PSMB4: variants seen among roughly 807,000 people sequenced by gnomAD.
PSMB4 encodes proteasome subunit beta type-4.
Under a neutral mutation model 35.2 loss-of-function variants are expected in PSMB4, and 16 were observed. The ratio of observed to expected loss-of-function variants is 0.45; its 90% CI spans 0.31 to 0.69. The LOEUF (loss-of-function observed/expected upper bound fraction) is 0.69. Ranked by LOEUF, PSMB4 falls within the 30% of genes least tolerant of loss-of-function variation. The pLI is 0.06. For synonymous variants in PSMB4, 144 were observed against 134.1 expected, an observed-to-expected ratio of 1.07 and a Z score of -0.51; for missense variants, 333 against 351.8, an observed-to-expected ratio of 0.95 and a Z score of 0.43.
chr1:151,400,799 A>G lies in PSMB4; in HGVS notation c.530A>G (p.Tyr177Cys), dbSNP rs993355830. The change falls in exon 4 of 7, where the codon TAT becomes TGT. Residue 177 changes from tyrosine (Y) to cysteine (C), a missense_variant. Coordinates refer to ENST00000290541, the MANE Select transcript of PSMB4 (RefSeq NM_002796.3). ...TATGTGGACATGCTTGGTGTAGCCT[A>G]TGAAGCCCCTTCGCTGGCCACTGGT... ...LGYVDMLGVAYEAPSLATGYG... is the reference protein window; with the variant it reads ...LGYVDMLGVACEAPSLATGYG... 1.9e-6 allele frequency: 3 copies of G among 1,614,148 alleles called. No individual in the cohort carries two copies. The highest frequency in any genetic ancestry group is 1.3e-5 in the African/African-American group (1 of 75,058).
intron 6 of PSMB4, 90 bp from the exon 7 acceptor site, chr1:151,401,727 G>C: frequency 6.4e-7 from 1 of 1,551,678 alleles, no homozygotes; most frequent in South Asian, 1.1e-5. Flanking sequence ...AAATTTTCTG[G>C]GTGGAAAGTT....
At position 151,400,531 on chromosome 1, in the gene PSMB4, C is replaced by T; in HGVS notation, c.437C>T (p.Ser146Leu). The T allele has an allele frequency of 6.2e-7, 1 of 1,614,104 alleles. No homozygotes were observed. Among genetic ancestry groups the T allele is most frequent in the Middle Eastern group, 1.7e-4 (1 of 6,010 alleles). The change falls in exon 3 of 7, where the codon TCG becomes TTG. Residue 146 changes from serine to leucine, a missense_variant. Coordinates refer to ENST00000290541, the MANE Select transcript of PSMB4 (RefSeq NM_002796.3). Reference sequence around the variant, plus strand: ...ACCAGGGCCATGTACAGCCGGCGCTCGAAGATGAACCCTTTGTGGAACACC... The same window carrying T: ...ACCAGGGCCATGTACAGCCGGCGCTTGAAGATGAACCCTTTGTGGAACACC... ...WLTRAMYSRR[S>L]KMNPLWNTMV...
chr1:151,400,584 G>A lies in PSMB4; in HGVS notation c.490G>A (p.Glu164Lys). Residue 164 changes from glutamate (E) to lysine (K), a missense_variant, in exon 3 of 7, where the codon GAG becomes AAG. Coordinates refer to ENST00000290541, the MANE Select transcript of PSMB4 (RefSeq NM_002796.3). ...TMVIGGYADG[E>K]SFLGYVDMLG... Reference sequence around the variant, plus strand: ...GGTCATCGGAGGCTATGCTGATGGAGAGAGGTTCATATGAATACAAATAAC... The same window carrying A: ...GGTCATCGGAGGCTATGCTGATGGAAAGAGGTTCATATGAATACAAATAAC... 6.2e-7 allele frequency: 1 copy of A among 1,614,148 alleles called. No individual in the cohort carries two copies. The highest frequency in any genetic ancestry group is 8.5e-7 in the Non-Finnish European group (1 of 1,180,034).
intron 2 of PSMB4, 23 bp downstream of exon 2, chr1:151,400,210 G>C: frequency 6.2e-7 from 1 of 1,609,964 alleles, no homozygotes; most frequent in Non-Finnish European, 8.5e-7. Flanking sequence ...GAGAACAGGA[G>C]AGTGGTTCCC....
At chr1:151,401,785 CACA>C (rs758011106) in intron 6 of PSMB4, 29 bp from the exon 7 acceptor site, 1 of 1,601,876 alleles carries the variant, frequency 6.2e-7, no homozygotes, top group South Asian at 1.1e-5. Context: ...CTTTATGCTT[CACA>C]ATTTTATTAT....
In PSMB4 at chr1:151,400,098, CATT is replaced by C. The variant is rs1283433917; in HGVS notation, c.261_263del (p.Ile87del). ...TGGCTCGTTTCCGCAACATCTCTCG[CATT>C]ATGCGAGTCAACAACAGTACCATGC... is the stretch of plus-strand genomic sequence containing the variant. On this transcript the variant is annotated inframe_deletion, in exon 2 of 7. Coordinates refer to ENST00000290541, the MANE Select transcript of PSMB4 (RefSeq NM_002796.3). The C allele has an allele frequency of 3.1e-6, 5 of 1,614,164 alleles. No individual in the cohort carries two copies.
chr1:151,400,225 A>G, intron 2 of PSMB4, 38 bp downstream of exon 2: 1 of 1,594,238 alleles, frequency 6.3e-7, no homozygotes, highest in Non-Finnish European at 8.6e-7. Context: ...GTTCCCAAGT[A>G]GAGAGGGGAG....
chr1:151,399,609 C>T lies in PSMB4; in HGVS notation c.22C>T (p.Arg8Trp), dbSNP rs11557384. The change falls in exon 1 of 7, where the codon CGG becomes TGG. Residue 8 changes from arginine to tryptophan, a missense_variant. Arg to Trp is a moderately radical substitution (Grantham distance 101, BLOSUM62 -3). Transcript: ENST00000290541. ...TAAGATGGAAGCGTTTTTGGGGTCGCGGTCCGGACTTTGGGCGGGGGGTCC... is the reference window on the plus strand; with the variant it reads ...TAAGATGGAAGCGTTTTTGGGGTCGTGGTCCGGACTTTGGGCGGGGGGTCC... MEAFLGSRSGLWAGGPAP... is the reference protein window; with the variant it reads MEAFLGSWSGLWAGGPAP... 1 of 1,612,556 alleles carries T rather than the reference C, an allele frequency of 6.2e-7. No homozygotes were observed. Among genetic ancestry groups the T allele is most frequent in the Non-Finnish European group, 8.5e-7 (1 of 1,179,504 alleles).
Position 151,401,799 on chromosome 1 carries a change from T to A in PSMB4, c.783-18T>A, listed in dbSNP as rs377064071. 1.2e-6 allele frequency: 2 copies of A among 1,602,052 alleles called. No homozygotes were observed. Among genetic ancestry groups the A allele is most frequent in the Non-Finnish European group, 1.7e-6 (2 of 1,173,922 alleles). ...CCTTTATGCTTCACAATTTTATTAT[T>A]CTGTCTTCCTTTTTTAGTGGCTTTG... On this transcript the variant is annotated intron_variant, in intron 6 of 6. Coordinates refer to ENST00000290541, the MANE Select transcript of PSMB4 (RefSeq NM_002796.3).
At chr1:151,401,513 G>C in intron 5 of PSMB4, 29 bp from the exon 6 acceptor site, 1 of 1,574,852 alleles carries the variant, frequency 6.3e-7, no homozygotes, top group African/African-American at 1.3e-5. Context: ...TAAGGCGTGG[G>C]CATTATTGAA....
chr1:151,400,668 C>CAAGTG, intron 3 of PSMB4, 80 bp downstream of exon 3: 3 of 1,609,766 alleles, frequency 1.9e-6, no homozygotes, highest in Non-Finnish European at 2.6e-6. Context: ...CTCTTCTCCC[C>CAAGTG]AAGTGAATCC....
intron 1 of PSMB4, 33 bp from the exon 2 acceptor site, chr1:151,399,948 C>T (rs770318204): frequency 3.3e-5 from 53 of 1,588,546 alleles, no homozygotes; most frequent in Non-Finnish European, 4.3e-5. Context: ...CAGTCCATCC[C>T]CCCTCTCAGC....
Position 151,400,009 on chromosome 1 carries a change from C to A in PSMB4, c.169C>A (p.Leu57Ile). The A allele has an allele frequency of 6.2e-7, 1 of 1,614,062 alleles. No homozygotes were observed. The highest frequency in any genetic ancestry group is 8.5e-7 in the Non-Finnish European group (1 of 1,179,956). Residue 57 changes from leucine to isoleucine, a missense_variant, in exon 2 of 7, where the codon CTC becomes ATC. Leu to Ile is a conservative substitution (Grantham distance 5). Transcript: ENST00000290541. ...QNPMVTGTSV[L>I]GVKFEGGVVI... ...CCCCATGGTGACCGGGACCTCAGTC[C>A]TCGGCGTTAAGTTCGAGGGCGGAGT...
chr1:151,401,420 C>T, intron 5 of PSMB4, 65 bp downstream of exon 5: 2 of 1,548,894 alleles, frequency 1.3e-6, no homozygotes, highest in South Asian at 2.2e-5. Context: ...GGTCTCTATG[C>T]TTTGAAGAAC....
In PSMB4 at chr1:151,401,551, G is replaced by A. The variant is rs144372831; in HGVS notation, c.703G>A (p.Ala235Thr). The A allele has an allele frequency of 3.1e-6, 5 of 1,610,888 alleles. No individual in the cohort carries two copies. The highest frequency in any genetic ancestry group is 1.1e-5 in the South Asian group (1 of 91,010). Residue 235 changes from alanine (A) to threonine (T), a missense_variant, in exon 6 of 7, where the codon GCC (alanine) becomes ACC (threonine). By Grantham distance (58) the Ala-to-Thr change is moderately conservative. Transcript: ENST00000290541. Reference sequence around the variant, plus strand: ...CTCTGCTTTCTTCCAGTTTCAAATCGCCACTGTCACCGAAAAAGGTGTTGA... The same window carrying A: ...CTCTGCTTTCTTCCAGTTTCAAATCACCACTGTCACCGAAAAAGGTGTTGA... ...DARSYNRFQI[A>T]TVTEKGVEIE...
Position 151,401,296 on chromosome 1 carries a change from G to T in PSMB4, c.634G>T (p.Asp212Tyr), listed in dbSNP as rs780019985. The change falls in exon 5 of 7, where the codon GAC (aspartate) becomes TAC (tyrosine). Residue 212 changes from aspartate (D) to tyrosine (Y), a missense_variant. Asp to Tyr is a radical substitution (Grantham distance 160). Transcript: ENST00000290541. ...AGTGCTAAGCCAGACCGAGGCCCGC[G>T]ACTTAGTAGAACGCTGCATGCGAGT... ...QPVLSQTEARDLVERCMRVLY... is the reference protein window; with the variant it reads ...QPVLSQTEARYLVERCMRVLY... The T allele has an allele frequency of 3.7e-6, 6 of 1,614,006 alleles. No homozygotes were observed. In the Admixed American group the frequency reaches 5.0e-5, roughly 13 times the overall value.
In PSMB4 at chr1:151,399,963, A is replaced by T; in HGVS notation, c.141-18A>T. On this transcript the variant is annotated intron_variant, in intron 1 of 6. Transcript: ENST00000290541. ...CAGTCCATCCCCCCTCTCAGCTCCC[A>T]CCGTTCTCACTCTTTAGGAACCCCA... is the stretch of plus-strand genomic sequence containing the variant. 6.2e-7 allele frequency: 1 copy of T among 1,611,456 alleles called. No individual in the cohort carries two copies. The highest frequency in any genetic ancestry group is 1.1e-5 in the South Asian group (1 of 91,000).
chr1:151,400,696 C>A, intron 3 of PSMB4, 68 bp from the exon 4 acceptor site: 2 of 1,610,208 alleles, frequency 1.2e-6, no homozygotes, highest in Non-Finnish European at 1.7e-6. Flanking sequence ...ACTCAGACCC[C>A]ATGGTCCCCT....
At position 151,400,859 on chromosome 1, in the gene PSMB4, C is replaced by G. The variant is rs774597919; in HGVS notation, c.576+14C>G. On this transcript the variant is annotated intron_variant, in intron 4 of 6. Coordinates refer to ENST00000290541, the MANE Select transcript of PSMB4 (RefSeq NM_002796.3). Reference sequence around the variant, plus strand: ...TACTTGGCTCAGGTAAGTAGTAAGTCTAGAGGTGGGGGAAAGGGAAGACAA... The same window carrying G: ...TACTTGGCTCAGGTAAGTAGTAAGTGTAGAGGTGGGGGAAAGGGAAGACAA... The G allele has an allele frequency of 6.2e-7, 1 of 1,608,000 alleles. No homozygotes were observed. The highest frequency in any genetic ancestry group is 1.7e-5 in the Admixed American group (1 of 59,976).
Sources: gnomAD v4.1 joint callset for allele counts on GRCh38, gnomAD v4.1.1 for gene constraint, MANE v1.5 for transcripts, NCBI Gene and HGNC (gene_info 2026-07-23, HGNC 2026-07-21) for gene names.